WDR27: variants seen among roughly 807,000 people sequenced by gnomAD.
WDR27 encodes WD repeat domain 27, also known as WD repeat-containing protein 27.
A neutral mutation model predicts 114.4 loss-of-function variants in WDR27; 100 were observed. The observed-to-expected ratio is 0.87, with a 90% CI of 0.74 to 1.03. The LOEUF (loss-of-function observed/expected upper bound fraction) is 1.03. Among genes scored for constraint, WDR27 ranks in the 50% least tolerant of loss-of-function variants. The pLI is 0.00. For missense variants in WDR27, 1,129 were observed against 1,092.9 expected, an observed-to-expected ratio of 1.03 and a Z score of -0.47; for synonymous variants, 449 against 423.1, an observed-to-expected ratio of 1.06 and a Z score of -0.75.
intron 21 of WDR27, among the ~76,000 whole-genome samples, chr6:169,627,565 C>T (rs749610933): frequency 2.0e-5 from 3 of 152,198 alleles, no homozygotes; most frequent in Non-Finnish European, 4.4e-5. Context: ...TTCACCATGC[C>T]TGCTGTCCTG....
chr6:169,520,039 C>T (rs907681843), intron 25 of WDR27, among the ~76,000 whole-genome samples: 3 of 152,044 alleles, frequency 2.0e-5, no homozygotes, highest in African/African-American at 7.2e-5. Flanking sequence ...TCAGGAGTGC[C>T]CGAAAAGAAA....
At chr6:169,690,582 A>G (rs979045973) in intron 1 of WDR27, among the ~76,000 whole-genome samples, 1 of 151,832 alleles carries the variant, frequency 6.6e-6, no homozygotes, top group Non-Finnish European at 1.5e-5. Context: ...AGCACTTCAC[A>G]CAATCTAAAC....
At chr6:169,634,765 C>A (rs374532494) in intron 19 of WDR27, among the ~76,000 whole-genome samples, 1 of 152,176 alleles carries the variant, frequency 6.6e-6, no homozygotes, top group African/African-American at 2.4e-5. Flanking sequence ...AGATCCCCCA[C>A]GCCGTCCTCC....
At chr6:169,688,351 T>C (rs1482559717) in intron 2 of WDR27, among the ~76,000 whole-genome samples, 1 of 152,148 alleles carries the variant, frequency 6.6e-6, no homozygotes, top group Admixed American at 6.5e-5. Flanking sequence ...CAAGATAGTG[T>C]TGCCTTTTGG....
At chr6:169,428,725 G>A in the WDR27 span, among the ~76,000 whole-genome samples, 56 of 152,270 alleles carry the variant, frequency 3.7e-4, no homozygotes, top group African/African-American at 1.2e-3. Context: ...GGGAGGGCCC[G>A]CCCTCCTATT....
At chr6:169,700,776 GCAATA>G (rs1048403831) in intron 1 of WDR27, among the ~76,000 whole-genome samples, 7 of 152,178 alleles carry the variant, frequency 4.6e-5, no homozygotes, top group African/African-American at 1.2e-4. Flanking sequence ...AATTACAAAA[GCAATA>G]CAATACAAAA....
At chr6:169,427,348 G>A in the WDR27 span, among the ~76,000 whole-genome samples, 1 of 152,176 alleles carries the variant, frequency 6.6e-6, no homozygotes, top group Non-Finnish European at 1.5e-5. Flanking sequence ...AGACAGGGAG[G>A]ACCCAGGAAG....
chr6:169,442,012 C>CAAA, the WDR27 span, among the ~76,000 whole-genome samples: 1 of 152,012 alleles, frequency 6.6e-6, no homozygotes, highest in African/African-American at 2.4e-5. Context: ...GATATTCAGC[C>CAAA]AAAAAAATAA....
intron 25 of WDR27, among the ~76,000 whole-genome samples, chr6:169,461,527 G>T (rs1240538562): frequency 6.7e-6 from 1 of 150,278 alleles, no homozygotes; most frequent in Admixed American, 6.6e-5. Context: ...GATCAAAGAA[G>T]AAATAATAAG....
At position 169,664,236 on chromosome 6, in the gene WDR27, C is replaced by A. The variant is rs768245179; in HGVS notation, c.834G>T (p.Arg278=). The change falls in exon 8 of 26, where the codon CGG becomes CGT. Residue 278 remains arginine (R), a synonymous_variant. Coordinates refer to ENST00000448612, the MANE Select transcript of WDR27 (RefSeq NM_182552.5). ...MDGHHYRRVA[R]VDLRKKTETF... Reference sequence around the variant, plus strand: ...TCTCTGTCTTCTTCCTTAGGTCAACCCGTGCCACACGACGATAATGGTGTC... The same window carrying A: ...TCTCTGTCTTCTTCCTTAGGTCAACACGTGCCACACGACGATAATGGTGTC... 3.5e-5 allele frequency: 56 copies of A among 1,613,568 alleles called. No homozygotes were observed. The highest frequency in any genetic ancestry group is 4.7e-5 in the Non-Finnish European group (55 of 1,179,704).
chr6:169,624,862 C>T (rs1814387957), intron 21 of WDR27, among the ~76,000 whole-genome samples: 1 of 152,106 alleles, frequency 6.6e-6, no homozygotes, highest in South Asian at 2.1e-4. Flanking sequence ...AGGTAGATGG[C>T]ACGAGACCAG....
intron 25 of WDR27, among the ~76,000 whole-genome samples, chr6:169,496,201 C>T (rs1203885965): frequency 1.3e-5 from 2 of 151,848 alleles, no homozygotes; most frequent in Admixed American, 1.3e-4. Context: ...AAAAAACACA[C>T]GATTATCTCA....
the WDR27 span, among the ~76,000 whole-genome samples, chr6:169,445,709 C>A: frequency 6.6e-6 from 1 of 152,268 alleles, no homozygotes; most frequent in Non-Finnish European, 1.5e-5. Flanking sequence ...GCCCGCCCTG[C>A]TTCAGCCGCC....
chr6:169,613,481 A>C, intron 22 of WDR27, 78 bp downstream of exon 22: 1 of 1,205,220 alleles, frequency 8.3e-7, no homozygotes, highest in Non-Finnish European at 1.2e-6. Context: ...ACCTCATCAC[A>C]TTCGGAAAAG....
At chr6:169,668,235 G>C (rs1396196011) in intron 4 of WDR27, 50 bp from the exon 5 acceptor site, 1 of 1,588,400 alleles carries the variant, frequency 6.3e-7, no homozygotes, top group Non-Finnish European at 8.6e-7. Context: ...GGAATTCTCT[G>C]TATATAAACC....
At chr6:169,548,754 A>G (rs777523079) in intron 25 of WDR27, among the ~76,000 whole-genome samples, 3 of 152,212 alleles carry the variant, frequency 2.0e-5, no homozygotes, top group Non-Finnish European at 4.4e-5. Flanking sequence ...CCACATAAAT[A>G]CAGCCAACAG....
chr6:169,445,488 T>A, the WDR27 span, among the ~76,000 whole-genome samples: 2 of 152,198 alleles, frequency 1.3e-5, no homozygotes, highest in Non-Finnish European at 2.9e-5. Context: ...GAATTAATTG[T>A]AGGTCCTACA....
the WDR27 span, chr6:169,426,731 G>A: frequency 3.3e-5 from 5 of 152,380 alleles, no homozygotes; most frequent in Admixed American, 3.3e-4. Context: ...GGGTTCCATT[G>A]GTGTCACTGT....
chr6:169,610,460 G>A (rs1810265219), intron 22 of WDR27, among the ~76,000 whole-genome samples: 1 of 152,162 alleles, frequency 6.6e-6, no homozygotes, highest in Admixed American at 6.5e-5. Context: ...ACAAAATGAG[G>A]AAGACACAAA....
Sources: allele counts gnomAD v4.1 joint callset (sites outside exome capture counted in the v4.1 genomes callset), GRCh38; gene constraint gnomAD v4.1.1; transcripts MANE v1.5; gene names NCBI Gene and HGNC (gene_info 2026-07-23, HGNC 2026-07-21).